The following SDK1 variants were observed in gnomAD, a reference collection of about 807,000 sequenced individuals.
The protein encoded by SDK1 is sidekick cell adhesion molecule 1, also known as protein sidekick-1.
SDK1 carries 157 observed loss-of-function variants against 245.5 expected under a neutral mutation model. The observed-to-expected ratio is 0.64, with a 90% confidence interval of 0.56 to 0.73. The LOEUF (loss-of-function observed/expected upper bound fraction) is 0.73. Ranked by LOEUF, SDK1 falls within the 30% of genes least tolerant of loss-of-function variation. The pLI, the probability that SDK1 is intolerant of heterozygous loss-of-function variation, is 0.00. For missense variants in SDK1, 3,583 were observed against 3,002.3 expected, an observed-to-expected ratio of 1.19 and a Z score of -4.52; for synonymous variants, 1,647 against 1,278.5, an observed-to-expected ratio of 1.29 and a Z score of -6.15.
intron 5 of SDK1, among the ~76,000 whole-genome samples, chr7:3,867,704 A>G (rs918151642): frequency 6.6e-6 from 1 of 152,166 alleles, no homozygotes; most frequent in African/African-American, 2.4e-5. Flanking sequence ...GGAATTCAAG[A>G]TGAGATTTGG....
At chr7:3,910,911 G>A (rs755184145) in intron 5 of SDK1, among the ~76,000 whole-genome samples, 1 of 152,154 alleles carries the variant, frequency 6.6e-6, no homozygotes, top group Non-Finnish European at 1.5e-5. Flanking sequence ...GGAGCAGGGT[G>A]GGCCTCTTCC....
intron 16 of SDK1, among the ~76,000 whole-genome samples, chr7:4,012,708 G>C (rs968838450): frequency 5.9e-5 from 9 of 151,426 alleles, no homozygotes; most frequent in Non-Finnish European, 1.0e-4. Context: ...CGAGTAGCTG[G>C]GATTACAGGC....
chr7:4,146,748 G>T (rs1780010932), intron 29 of SDK1, among the ~76,000 whole-genome samples: 1 of 152,230 alleles, frequency 6.6e-6, no homozygotes, highest in African/African-American at 2.4e-5. Flanking sequence ...GGCGAGCAGG[G>T]CTCTGCTCCA....
chr7:3,754,139 G>A (rs953831064), intron 4 of SDK1, among the ~76,000 whole-genome samples: 1 of 152,166 alleles, frequency 6.6e-6, no homozygotes, highest in African/African-American at 2.4e-5. Context: ...AATGAAGTTG[G>A]CTCTTGGAGA....
intron 43 of SDK1, among the ~76,000 whole-genome samples, chr7:4,243,284 G>T (rs1317384058): frequency 6.6e-6 from 1 of 152,166 alleles, no homozygotes; most frequent in Non-Finnish European, 1.5e-5. Flanking sequence ...TCATTTGATG[G>T]TGAGGTTGGA....
chr7:3,773,865 A>G (rs1780473450), intron 4 of SDK1, among the ~76,000 whole-genome samples: 1 of 152,132 alleles, frequency 6.6e-6, no homozygotes, highest in South Asian at 2.1e-4. Flanking sequence ...GAATATCCTA[A>G]TCTTCAATGT....
At chr7:4,213,046 C>T (rs925589887) in intron 38 of SDK1, among the ~76,000 whole-genome samples, 2 of 152,082 alleles carry the variant, frequency 1.3e-5, no homozygotes, top group South Asian at 2.1e-4. Flanking sequence ...TTTGGGAGGC[C>T]GAGGTGGGCG....
intron 1 of SDK1, among the ~76,000 whole-genome samples, chr7:3,379,445 C>T (rs1781432270): frequency 6.6e-6 from 1 of 152,094 alleles, no homozygotes; most frequent in Non-Finnish European, 1.5e-5. Context: ...AAAGGAGTGA[C>T]TCAGTGACCG....
chr7:3,910,327 G>A (rs1001663023), intron 5 of SDK1, among the ~76,000 whole-genome samples: 5 of 152,166 alleles, frequency 3.3e-5, no homozygotes, highest in Admixed American at 6.5e-5. Context: ...TCTCTTGTCA[G>A]GCACATTCTT....
chr7:4,012,819 C>G (rs1258110943), intron 16 of SDK1, among the ~76,000 whole-genome samples: 1 of 151,982 alleles, frequency 6.6e-6, no homozygotes, highest in Non-Finnish European at 1.5e-5. Context: ...GGTGACCTGT[C>G]CTCCTCAGCC....
At chr7:3,536,790 T>C (rs562579410) in intron 1 of SDK1, among the ~76,000 whole-genome samples, 1 of 152,320 alleles carries the variant, frequency 6.6e-6, no homozygotes, top group Admixed American at 6.5e-5. Flanking sequence ...CGTTGGAATT[T>C]GAAGTGATTT....
chr7:3,983,578 G>T (rs1183780372), intron 13 of SDK1, among the ~76,000 whole-genome samples: 1 of 152,194 alleles, frequency 6.6e-6, no homozygotes, highest in African/African-American at 2.4e-5. Context: ...ACTTTTATAT[G>T]CACTGGGAAA....
At chr7:4,245,895 T>G in intron 44 of SDK1, 90 bp downstream of exon 44, 1 of 1,496,108 alleles carries the variant, frequency 6.7e-7, no homozygotes, top group African/African-American at 1.4e-5. Context: ...TTGTCCTATT[T>G]GAGTCTCATA....
intron 1 of SDK1, among the ~76,000 whole-genome samples, chr7:3,576,393 C>G (rs1780291979): frequency 6.6e-6 from 1 of 152,028 alleles, no homozygotes; most frequent in Non-Finnish European, 1.5e-5. Context: ...TGTGTGTTAC[C>G]TGGTTAGAGA....
At chr7:3,470,601 T>A (rs953289554) in intron 1 of SDK1, among the ~76,000 whole-genome samples, 1 of 152,098 alleles carries the variant, frequency 6.6e-6, no homozygotes, top group East Asian at 1.9e-4. Context: ...TGGAGACTTA[T>A]TATGACTTTG....
Position 4,158,431 on chromosome 7 carries a change from T to G in SDK1, c.4626-17T>G. ...GGTGGCAGGGCCCCGGCAGTCACGG[T>G]CTCTTCCACATTGCAGACTGAGGCC... On this transcript the variant is annotated splice_polypyrimidine_tract_variant and intron_variant, in intron 30 of 44. Transcript: ENST00000404826. 1 of 1,604,302 alleles carries G rather than the reference T, an allele frequency of 6.2e-7. No individual in the cohort carries two copies. Among genetic ancestry groups the G allele is most frequent in the Non-Finnish European group, 8.5e-7 (1 of 1,172,386 alleles).
chr7:4,013,973 G>A (rs576802541), intron 16 of SDK1, among the ~76,000 whole-genome samples: 4 of 152,312 alleles, frequency 2.6e-5, no homozygotes, highest in African/African-American at 4.8e-5. Flanking sequence ...AAACAGCCCC[G>A]TGTCCCCGCC....
At chr7:3,374,158 T>C (rs2128564338) in intron 1 of SDK1, among the ~76,000 whole-genome samples, 1 of 152,230 alleles carries the variant, frequency 6.6e-6, no homozygotes, top group East Asian at 1.9e-4. Context: ...TTTTGCATAG[T>C]TGAAGGACTG....
At chr7:4,241,318 A>G (rs1342864939) in intron 42 of SDK1, among the ~76,000 whole-genome samples, 1 of 152,042 alleles carries the variant, frequency 6.6e-6, no homozygotes, top group East Asian at 1.9e-4. Flanking sequence ...TTAAATATTT[A>G]ATTTCCCGGA....
Sources: allele counts gnomAD v4.1 joint callset (sites outside exome capture counted in the v4.1 genomes callset), GRCh38; gene constraint gnomAD v4.1.1; transcripts MANE v1.5; gene names NCBI Gene and HGNC (gene_info 2026-07-23, HGNC 2026-07-21).